The following HS2ST1 variants were observed in gnomAD, a reference collection of about 807,000 sequenced individuals.
HS2ST1 encodes the protein 2-O-sulfotransferase.
A neutral mutation model predicts 42.9 loss-of-function variants in HS2ST1; 18 were observed. The ratio of observed to expected loss-of-function variants is 0.42; its 90% CI spans 0.29 to 0.62. The LOEUF is 0.62. HS2ST1 is among the 20% of genes least tolerant of loss of function. HS2ST1 has a pLI of 0.21. For missense variants in HS2ST1, 334 were observed against 433.8 expected, an observed-to-expected ratio of 0.77 and a Z score of 2.04; for synonymous variants, 146 against 152.9, an observed-to-expected ratio of 0.95 and a Z score of 0.33.
At chr1:87,030,309 G>T (rs1650196627) in intron 1 of HS2ST1, among the ~76,000 whole-genome samples, 2 of 152,084 alleles carry the variant, frequency 1.3e-5, no homozygotes, top group Non-Finnish European at 1.5e-5. Flanking sequence ...GACCAGCCTG[G>T]GCAACATAGG....
chr1:86,959,270 C>T (rs765461346), intron 1 of HS2ST1, among the ~76,000 whole-genome samples: 4 of 152,088 alleles, frequency 2.6e-5, no homozygotes, highest in African/African-American at 7.2e-5. Context: ...AAAGGTATAC[C>T]GATTGAGAAG....
At chr1:87,069,991 C>CT (rs546619180) in intron 1 of HS2ST1, among the ~76,000 whole-genome samples, 351 of 152,228 alleles carry the variant, frequency 2.3e-3, no homozygotes, top group Non-Finnish European at 4.5e-3. Context: ...CACAAAAAAT[C>CT]TTTTTTTCCA....
intron 4 of HS2ST1, among the ~76,000 whole-genome samples, chr1:87,094,510 C>CTAA: frequency 6.6e-6 from 1 of 152,034 alleles, no homozygotes; most frequent in African/African-American, 2.4e-5. Context: ...CACAGAAAGG[C>CTAA]TAAGTATTTT....
At chr1:87,057,253 C>G (rs994311638) in intron 1 of HS2ST1, among the ~76,000 whole-genome samples, 1 of 151,998 alleles carries the variant, frequency 6.6e-6, no homozygotes, top group Non-Finnish European at 1.5e-5. Flanking sequence ...AGATGTAACC[C>G]ACATAAACCA....
At chr1:87,063,739 A>AT (rs1651176002) in intron 1 of HS2ST1, among the ~76,000 whole-genome samples, 1 of 152,084 alleles carries the variant, frequency 6.6e-6, no homozygotes, top group Non-Finnish European at 1.5e-5. Flanking sequence ...TCATTAAAGA[A>AT]TTTTTATCGT....
At chr1:87,067,809 G>T (rs964189063) in intron 1 of HS2ST1, among the ~76,000 whole-genome samples, 1 of 151,936 alleles carries the variant, frequency 6.6e-6, no homozygotes, top group Non-Finnish European at 1.5e-5. Flanking sequence ...TCCCAACACC[G>T]CTTATTAAAT....
chr1:87,015,426 C>T (rs1453466568), intron 1 of HS2ST1, among the ~76,000 whole-genome samples: 1 of 149,534 alleles, frequency 6.7e-6, no homozygotes, highest in East Asian at 2.0e-4. Flanking sequence ...CGGCTCACTG[C>T]AAGCTCTGCT....
intron 1 of HS2ST1, among the ~76,000 whole-genome samples, chr1:86,955,678 T>C (rs2753274): frequency 0.24 from 36,545 of 151,924 alleles, 5,157 homozygotes; most frequent in African/African-American, 0.38. Context: ...TTCTTGTAAT[T>C]GAAATAAAAA....
At chr1:87,001,830 C>T (rs1254201616) in intron 1 of HS2ST1, among the ~76,000 whole-genome samples, 1 of 152,066 alleles carries the variant, frequency 6.6e-6, no homozygotes, top group Non-Finnish European at 1.5e-5. Context: ...TCAGGCTGGT[C>T]TCAAACTCCT....
At chr1:87,090,118 C>G (rs1322169422) in intron 3 of HS2ST1, among the ~76,000 whole-genome samples, 4 of 152,010 alleles carry the variant, frequency 2.6e-5, no homozygotes, top group Non-Finnish European at 5.9e-5. Flanking sequence ...AAGGGAGCAG[C>G]AATATATTGC....
intron 1 of HS2ST1, among the ~76,000 whole-genome samples, chr1:87,012,140 T>C (rs1649613659): frequency 6.6e-6 from 1 of 152,220 alleles, no homozygotes; most frequent in African/African-American, 2.4e-5. Flanking sequence ...TACGGTTACT[T>C]CCCCATCAGC....
At chr1:86,969,406 G>T (rs1447568866) in intron 1 of HS2ST1, among the ~76,000 whole-genome samples, 2 of 152,078 alleles carry the variant, frequency 1.3e-5, no homozygotes, top group Non-Finnish European at 2.9e-5. Context: ...GTGTGTGTGC[G>T]CACGTGCCTG....
chr1:87,056,919 T>C (rs1032446487), intron 1 of HS2ST1, among the ~76,000 whole-genome samples: 3 of 152,178 alleles, frequency 2.0e-5, no homozygotes, highest in African/African-American at 4.8e-5. Flanking sequence ...TAGTGTAGAA[T>C]TGAAAAAGAA....
chr1:87,078,413 G>A (rs1651600221), intron 2 of HS2ST1, among the ~76,000 whole-genome samples: 1 of 152,096 alleles, frequency 6.6e-6, no homozygotes, highest in Non-Finnish European at 1.5e-5. Context: ...TTGCTAGCCT[G>A]ACTTGAGTCA....
chr1:87,000,293 A>G (rs973902457), intron 1 of HS2ST1, among the ~76,000 whole-genome samples: 3 of 152,216 alleles, frequency 2.0e-5, no homozygotes, highest in Non-Finnish European at 2.9e-5. Flanking sequence ...ATGGAATACT[A>G]ACTTAAAAAA....
intron 1 of HS2ST1, among the ~76,000 whole-genome samples, chr1:86,921,820 G>A (rs1373924929): frequency 6.6e-6 from 1 of 152,144 alleles, no homozygotes; most frequent in African/African-American, 2.4e-5. Flanking sequence ...TACTTACTTT[G>A]TCTAATACTA....
intron 1 of HS2ST1, among the ~76,000 whole-genome samples, chr1:86,983,955 G>C (rs563668830): frequency 6.6e-6 from 1 of 151,982 alleles, no homozygotes; most frequent in South Asian, 2.1e-4. Context: ...CAGGAGAATT[G>C]CTTGAACCCA....
intron 1 of HS2ST1, among the ~76,000 whole-genome samples, chr1:87,027,714 G>A (rs114153691): frequency 0.024 from 3,653 of 152,156 alleles, 46 homozygotes; most frequent in South Asian, 0.053. Flanking sequence ...TTTTGAGACA[G>A]GGTCTCACTG....
intron 1 of HS2ST1, among the ~76,000 whole-genome samples, chr1:87,071,121 C>T (rs1206145384): frequency 1.3e-5 from 2 of 152,060 alleles, no homozygotes; most frequent in Non-Finnish European, 2.9e-5. Context: ...CATATATGTA[C>T]TTCTGTTTTG....
Sources: gnomAD v4.1 joint callset for allele counts (sites outside exome capture counted in the v4.1 genomes callset) on GRCh38, gnomAD v4.1.1 for gene constraint, MANE v1.5 for transcripts, NCBI Gene and HGNC (gene_info 2026-07-23, HGNC 2026-07-21) for gene names.